YLPM1: variants seen among roughly 807,000 people sequenced by gnomAD.
YLPM1 encodes the protein YLP motif containing 1.
Under a neutral mutation model 230.0 loss-of-function variants are expected in YLPM1, and 99 were observed. The ratio of observed to expected loss-of-function variants is 0.43; its 90% CI spans 0.37 to 0.51. The LOEUF (loss-of-function observed/expected upper bound fraction) is 0.51, where lower values mean the gene tolerates loss of function less well. Among genes scored for constraint, YLPM1 ranks in the 20% least tolerant of loss-of-function variants. YLPM1 has a pLI of 0.00. For missense variants in YLPM1, 2,592 were observed against 2,707.7 expected (o/e 0.96, Z 0.95); for synonymous variants, 984 against 942.5 (o/e 1.04, Z -0.81).
chr14:74,833,298 G>A (rs954258949), intron 19 of YLPM1, among the ~76,000 whole-genome samples: 20 of 152,212 alleles, frequency 1.3e-4, no homozygotes, highest in South Asian at 2.1e-4. Context: ...ACCCAGGCTG[G>A]AGTACAGTGG....
intron 11 of YLPM1, among the ~76,000 whole-genome samples, chr14:74,813,818 A>T (rs1194605874): frequency 1.3e-5 from 2 of 152,202 alleles, no homozygotes; most frequent in Admixed American, 1.3e-4. Context: ...TTCGTCTTGT[A>T]TCCTGCAATA....
At chr14:74,796,388 G>A (rs2091261502) in intron 4 of YLPM1, among the ~76,000 whole-genome samples, 1 of 152,078 alleles carries the variant, frequency 6.6e-6, no homozygotes, top group South Asian at 2.1e-4. Flanking sequence ...TTAGCTTGAG[G>A]TGCCCTTGCC....
At position 74,835,414 on chromosome 14, in the gene YLPM1, C is replaced by T. The variant is rs966142268; in HGVS notation, c.*3C>T. 5 of 1,613,216 alleles carry T rather than the reference C, an allele frequency of 3.1e-6. No individual in the cohort carries two copies. Among genetic ancestry groups the T allele is most frequent in the South Asian group, 2.2e-5 (2 of 91,044 alleles). On this transcript the variant is annotated 3_prime_UTR_variant, in exon 20 of 21. Transcript: ENST00000325680. ...TCAATCGAACCAAATATATATGAGA[C>T]TTAGTTTTTGAACGGAGTCATTATT...
chr14:74,796,408 C>G (rs1004122248), intron 4 of YLPM1, among the ~76,000 whole-genome samples: 2 of 152,248 alleles, frequency 1.3e-5, no homozygotes, highest in African/African-American at 4.8e-5. Flanking sequence ...CACATACTTT[C>G]CTCATCTCCA....
chr14:74,772,377 A>C (rs1401588008), intron 1 of YLPM1, among the ~76,000 whole-genome samples: 2 of 139,388 alleles, frequency 1.4e-5, no homozygotes, highest in Non-Finnish European at 1.5e-5. Context: ...TTTTTTTTTG[A>C]GATGGAGTCT....
chr14:74,832,205 A>T (rs1203348937), intron 19 of YLPM1, among the ~76,000 whole-genome samples: 1 of 152,192 alleles, frequency 6.6e-6, no homozygotes, highest in African/African-American at 2.4e-5. Flanking sequence ...ATTAAAAGGG[A>T]CACTGATATT....
At chr14:74,829,486 C>A in intron 19 of YLPM1, 143 bp downstream of exon 19, 1 of 1,185,030 alleles carries the variant, frequency 8.4e-7, no homozygotes, top group Non-Finnish European at 1.2e-6. Context: ...AAGAAGGAGT[C>A]ATACCTTATA....
rs754567200 is a variant in YLPM1, at chr14:74,817,026, C to T, written c.5781C>T (p.Pro1927=). Residue 1927 remains proline, a synonymous_variant, in exon 14 of 21, where the codon CCC becomes CCT. Coordinates refer to ENST00000325680, the MANE Select transcript of YLPM1 (RefSeq NM_019589.3). ...FKKTLDDGFF[P]FIILDAINDR... ...AGACTCTGGATGATGGCTTTTTTCC[C>T]TTCATCATCCTGGATGCCATCAATG... 18 of 1,611,408 alleles carry T rather than the reference C, an allele frequency of 1.1e-5. No individual in the cohort carries two copies. Among genetic ancestry groups the T allele is most frequent in the Non-Finnish European group, 1.4e-5 (17 of 1,179,012 alleles).
At chr14:74,817,363 G>A in intron 15 of YLPM1, 86 bp downstream of exon 15, 2 of 1,184,558 alleles carry the variant, frequency 1.7e-6, no homozygotes, top group Non-Finnish European at 2.4e-6. Context: ...ATATATGGTG[G>A]TCCCATAAGA....
In YLPM1 at chr14:74,835,327, G is replaced by A; in HGVS notation, c.6357G>A (p.Val2119=). The change falls in exon 20 of 21, where the codon GTG becomes GTA. Residue 2119 remains valine (V), a synonymous_variant. Transcript: ENST00000325680. ...ATAGGAAAAGGGCCATAGGTTTTGT[G>A]GTCGGACAGACTGATTGGGAGAAGA... The part of the protein sequence containing the change: ...DADRKRAIGF[V]VGQTDWEKIT... 1.9e-6 allele frequency: 3 copies of A among 1,613,772 alleles called. No homozygotes were observed. Among genetic ancestry groups the A allele is most frequent in the Non-Finnish European group, 2.5e-6 (3 of 1,179,744 alleles).
intron 4 of YLPM1, among the ~76,000 whole-genome samples, chr14:74,786,182 T>C (rs532926376): frequency 2.0e-4 from 31 of 151,714 alleles, no homozygotes; most frequent in Non-Finnish European, 3.7e-4. Context: ...GTCAATATGG[T>C]GAAACCCCAT....
In YLPM1 at chr14:74,837,257, T is replaced by A. The variant is rs2091648213; in HGVS notation, c.*1519T>A. On this transcript the variant is annotated 3_prime_UTR_variant, in exon 21 of 21. Transcript: ENST00000325680. ...TTTAAGCAAGTGACTTTAAGTTCATTAAGTCAATATTGAATGTATAAATTG... is the reference window on the plus strand; with the variant it reads ...TTTAAGCAAGTGACTTTAAGTTCATAAAGTCAATATTGAATGTATAAATTG... 6.6e-6 allele frequency: 1 copy of A among 152,210 alleles called. No individual in the cohort carries two copies. The highest frequency in any genetic ancestry group is 1.5e-5 in the Non-Finnish European group (1 of 68,032). 9.4% of individuals were successfully genotyped at this position (152,210 alleles called of 1,614,324 possible).
chr14:74,798,212 C>T lies in YLPM1; in HGVS notation c.2915C>T (p.Ala972Val). ...TGGMEGGTAV[A>V]TSSLTADNDF... ...GGGATGGAGGGAGGAACAGCAGTAGCAACATCATCATTAACAGCAGATAAT... is the reference window on the plus strand; with the variant it reads ...GGGATGGAGGGAGGAACAGCAGTAGTAACATCATCATTAACAGCAGATAAT... Residue 972 changes from alanine (A) to valine (V), a missense_variant, in exon 5 of 21, where the codon GCA becomes GTA. By Grantham distance (64) the Ala-to-Val change is moderately conservative. This residue lies in a region of YLPM1 where 1,862 missense variants were observed against 1,819.8 expected (regional missense o/e 1.02). Coordinates refer to ENST00000325680, the MANE Select transcript of YLPM1 (RefSeq NM_019589.3). The T allele has an allele frequency of 3.1e-6, 5 of 1,613,908 alleles. No homozygotes were observed. Among genetic ancestry groups the T allele is most frequent in the Non-Finnish European group, 4.2e-6 (5 of 1,179,888 alleles).
rs763460233 is a variant in YLPM1, at chr14:74,817,023, T to C, written c.5778T>C (p.Phe1926=). Residue 1926 remains phenylalanine, a synonymous_variant, in exon 14 of 21, where the codon TTT becomes TTC. Transcript: ENST00000325680. ...TFKKTLDDGF[F]PFIILDAIND... ...AAAAGACTCTGGATGATGGCTTTTT[T>C]CCCTTCATCATCCTGGATGCCATCA... 3 of 1,612,142 alleles carry C rather than the reference T, an allele frequency of 1.9e-6. No homozygotes were observed. The South Asian group carries it at 3.3e-5, about 18-fold the overall frequency.
At chr14:74,793,230 T>G (rs919170372) in intron 4 of YLPM1, among the ~76,000 whole-genome samples, 1 of 152,176 alleles carries the variant, frequency 6.6e-6, no homozygotes, top group South Asian at 2.1e-4. Context: ...CTCTTAACTT[T>G]GGGACATTTC....
At position 74,816,308 on chromosome 14, in the gene YLPM1, G is replaced by C. The variant is rs1378989513; in HGVS notation, c.5565+43G>C. The C allele has an allele frequency of 3.2e-6, 5 of 1,575,932 alleles. No homozygotes were observed. In the South Asian group the frequency reaches 3.4e-5, roughly 11 times the overall value. On this transcript the variant is annotated intron_variant, in intron 12 of 20. Coordinates refer to ENST00000325680, the MANE Select transcript of YLPM1 (RefSeq NM_019589.3). ...GAAAAATCAGCTGCTTGTGCTGCTT[G>C]TGTTAGTAGTCACTTGCCTTCTTAT...
chr14:74,768,026 C>T (rs919387834), intron 1 of YLPM1, among the ~76,000 whole-genome samples: 2 of 152,000 alleles, frequency 1.3e-5, no homozygotes, highest in African/African-American at 4.8e-5. Flanking sequence ...AAAGACCTTG[C>T]CTAAGTAAAT....
chr14:74,772,506 G>C lies in YLPM1; in HGVS notation c.874-5941G>C, dbSNP rs888323629. Among the ~76,000 whole-genome samples the C allele has an allele frequency of 3.8e-4, 58 of 151,922 alleles. 1 individual carries two copies. The highest frequency in any genetic ancestry group is 5.7e-4 in the Non-Finnish European group (39 of 67,996). ...CCCGAGTAGCTGGGATTACAGGCAT[G>C]TGCCACCACACCCAGCTAAGTTTTG... On this transcript the variant is annotated intron_variant, in intron 1 of 20. Transcript: ENST00000325680.
In YLPM1 at chr14:74,782,320, C is replaced by T. The variant is rs1379959281; in HGVS notation, c.2277C>T (p.Gly759=). The T allele has an allele frequency of 6.6e-7, 1 of 1,505,144 alleles. No homozygotes were observed. The highest frequency in any genetic ancestry group is 1.4e-5 in the African/African-American group (1 of 71,712). The allele number at this position is 1,505,144 out of a possible 1,614,324, so 93.2% of individuals were successfully genotyped here. A position where few individuals can be genotyped will look rare whatever the true frequency, so the allele number is the denominator to read the frequency against. Residue 759 remains glycine (G), a synonymous_variant, in exon 4 of 21, where the codon GGC becomes GGT. Coordinates refer to ENST00000325680, the MANE Select transcript of YLPM1 (RefSeq NM_019589.3). ...GTAGTTACTTGGAAAGTCCAAGAGGCCCAAGGTAGGTCTGCTTTTTTTTCT... is the reference window on the plus strand; with the variant it reads ...GTAGTTACTTGGAAAGTCCAAGAGGTCCAAGGTAGGTCTGCTTTTTTTTCT... The part of the protein sequence containing the change: ...PRSSYLESPR[G]PRFDGPRRFE...
Sources: allele counts gnomAD v4.1 joint callset (sites outside exome capture counted in the v4.1 genomes callset), GRCh38; gene constraint gnomAD v4.1.1; regional missense constraint gnomAD v4.1.1; transcripts MANE v1.5; gene names NCBI Gene and HGNC (gene_info 2026-07-23, HGNC 2026-07-21).